The following CSMD1 variants were observed in gnomAD, a reference collection of about 807,000 sequenced individuals.
CSMD1 encodes CUB and sushi domain-containing protein 1.
In CSMD1, 213 loss-of-function variants were observed where a neutral mutation model predicts 417.5. The observed-to-expected ratio is 0.51, with a 90% CI of 0.46 to 0.57. CSMD1 has a LOEUF of 0.57. Among genes scored for constraint, CSMD1 ranks in the 20% least tolerant of loss-of-function variants. The pLI is 0.00. For missense variants in CSMD1, 6,923 were observed against 4,529.7 expected (o/e 1.53, Z -15.17); for synonymous variants, 2,862 against 1,736.8 (o/e 1.65, Z -16.11).
intron 1 of CSMD1, among the ~76,000 whole-genome samples, chr8:4,672,939 C>G (rs1278501276): frequency 2.0e-5 from 3 of 152,000 alleles, no homozygotes; most frequent in Admixed American, 1.3e-4. Flanking sequence ...CACATGCATA[C>G]ATGGTGACAC....
chr8:3,731,303 G>C (rs1408260333), intron 6 of CSMD1, among the ~76,000 whole-genome samples: 1 of 152,154 alleles, frequency 6.6e-6, no homozygotes, highest in African/African-American at 2.4e-5. Flanking sequence ...TCCACAAACA[G>C]AGTCTCTCTG....
chr8:3,978,975 A>T (rs1199624279), intron 5 of CSMD1, among the ~76,000 whole-genome samples: 1 of 152,220 alleles, frequency 6.6e-6, no homozygotes, highest in Non-Finnish European at 1.5e-5. Flanking sequence ...TGCCTCCTAG[A>T]AGCTTGCATT....
intron 37 of CSMD1, among the ~76,000 whole-genome samples, chr8:3,171,741 C>G (rs140953466): frequency 2.2e-3 from 335 of 152,282 alleles, no homozygotes; most frequent in African/African-American, 7.6e-3. Flanking sequence ...CAAGTGAGCA[C>G]AACTTGTCAA....
intron 1 of CSMD1, among the ~76,000 whole-genome samples, chr8:4,642,243 A>G (rs1319537485): frequency 6.6e-6 from 1 of 152,212 alleles, no homozygotes; most frequent in African/African-American, 2.4e-5. Context: ...GGAGGCCGGA[A>G]AACACATTCC....
chr8:3,902,471 C>A (rs897479735), intron 5 of CSMD1, among the ~76,000 whole-genome samples: 1 of 152,014 alleles, frequency 6.6e-6, no homozygotes, highest in Non-Finnish European at 1.5e-5. Flanking sequence ...TCCATGGACT[C>A]AAGTGGCAGG....
chr8:4,488,564 A>C (rs1324600446), intron 2 of CSMD1, among the ~76,000 whole-genome samples: 1 of 152,072 alleles, frequency 6.6e-6, no homozygotes, highest in Non-Finnish European at 1.5e-5. Flanking sequence ...GCAGAGCCCC[A>C]AAAATTTATC....
intron 1 of CSMD1, among the ~76,000 whole-genome samples, chr8:4,952,921 C>G (rs1305895147): frequency 6.6e-6 from 1 of 152,120 alleles, no homozygotes; most frequent in East Asian, 1.9e-4. Flanking sequence ...AACTGATTCA[C>G]TGCTACATAC....
intron 26 of CSMD1, among the ~76,000 whole-genome samples, chr8:3,268,159 G>GAA (rs1278551769): frequency 2.0e-5 from 3 of 152,182 alleles, no homozygotes; most frequent in African/African-American, 7.2e-5. Flanking sequence ...CTGAATGAAT[G>GAA]AATGAATGAA....
intron 18 of CSMD1, among the ~76,000 whole-genome samples, chr8:3,379,375 T>C (rs10113029): frequency 0.096 from 14,657 of 152,240 alleles, 885 homozygotes; most frequent in Non-Finnish European, 0.14. Context: ...ATTGACTTTC[T>C]TCATTGAATT....
chr8:4,585,891 T>C (rs1436763242), intron 2 of CSMD1, among the ~76,000 whole-genome samples: 1 of 152,170 alleles, frequency 6.6e-6, no homozygotes, highest in African/African-American at 2.4e-5. Context: ...TAAACAGCAA[T>C]ACAAAATGTA....
At chr8:4,331,209 T>A (rs1223014917) in intron 3 of CSMD1, among the ~76,000 whole-genome samples, 2 of 152,134 alleles carry the variant, frequency 1.3e-5, no homozygotes, top group Non-Finnish European at 2.9e-5. Flanking sequence ...GTTGACAAGA[T>A]TACTGCCTCC....
chr8:3,606,293 A>T (rs1801610012), intron 8 of CSMD1, among the ~76,000 whole-genome samples: 1 of 152,074 alleles, frequency 6.6e-6, no homozygotes, highest in Non-Finnish European at 1.5e-5. Context: ...GGGCCCTTAC[A>T]CCCACCCAGA....
At chr8:3,209,108 A>T (rs1797459753) in intron 30 of CSMD1, among the ~76,000 whole-genome samples, 2 of 152,298 alleles carry the variant, frequency 1.3e-5, no homozygotes, top group South Asian at 4.1e-4. Context: ...AAAGTCAAAG[A>T]TGAAATTCAG....
At chr8:3,369,206 T>G (rs868434226) in intron 19 of CSMD1, 48 bp downstream of exon 19, 1 of 902,444 alleles carries the variant, frequency 1.1e-6, no homozygotes, top group Middle Eastern at 2.2e-4. Flanking sequence ...CCCGTTTTTC[T>G]GTCTCATTTA....
intron 7 of CSMD1, among the ~76,000 whole-genome samples, chr8:3,694,466 G>T (rs960020625): frequency 6.6e-6 from 1 of 152,082 alleles, no homozygotes; most frequent in Non-Finnish European, 1.5e-5. Context: ...TGGGAAAGAC[G>T]GCCAGGCCGA....
At chr8:3,421,310 A>G (rs1462942835) in intron 12 of CSMD1, among the ~76,000 whole-genome samples, 1 of 152,226 alleles carries the variant, frequency 6.6e-6, no homozygotes, top group Non-Finnish European at 1.5e-5. Context: ...AGTTGGATAT[A>G]GGACGAGAAG....
At chr8:4,236,339 G>T (rs1011761782) in intron 3 of CSMD1, among the ~76,000 whole-genome samples, 1 of 152,062 alleles carries the variant, frequency 6.6e-6, no homozygotes, top group South Asian at 2.1e-4. Context: ...TAGTGCATGA[G>T]TCACACAAAC....
chr8:3,592,786 C>G (rs11994221), intron 8 of CSMD1, among the ~76,000 whole-genome samples: 4 of 152,010 alleles, frequency 2.6e-5, no homozygotes, highest in African/African-American at 4.8e-5. Context: ...GCACAGCACA[C>G]GTTAAAAGTT....
At chr8:3,955,782 C>A (rs371298792) in intron 5 of CSMD1, among the ~76,000 whole-genome samples, 2 of 152,186 alleles carry the variant, frequency 1.3e-5, no homozygotes, top group South Asian at 4.1e-4. Context: ...GAATTAATAT[C>A]CCTTAGAAAT....
Sources: allele counts gnomAD v4.1 joint callset (sites outside exome capture counted in the v4.1 genomes callset), GRCh38; gene constraint gnomAD v4.1.1; transcripts MANE v1.5; gene names NCBI Gene and HGNC (gene_info 2026-07-23, HGNC 2026-07-21).